NRBF2: variants seen among roughly 807,000 people sequenced by gnomAD.
NRBF2 encodes nuclear receptor binding factor 2, also known as nuclear receptor-binding factor 2.
In NRBF2, 12 loss-of-function variants were observed where a neutral mutation model predicts 28.5. That is an observed-to-expected ratio of 0.42 (90% CI 0.27 to 0.68). The LOEUF (loss-of-function observed/expected upper bound fraction) is 0.68, where lower values mean the gene tolerates loss of function less well. Among genes scored for constraint, NRBF2 ranks in the 30% least tolerant of loss-of-function variants. The probability of loss-of-function intolerance (pLI) is 0.24; values close to 1 mark genes in which losing one functional copy is unlikely to be tolerated. For synonymous variants in NRBF2, 102 were observed against 116.5 expected (o/e 0.88, Z 0.80); for missense variants, 274 against 333.5 (o/e 0.82, Z 1.39).
chr10:63,149,976 C>A (rs1186251293), intron 2 of NRBF2, among the ~76,000 whole-genome samples: 5 of 147,160 alleles, frequency 3.4e-5, no homozygotes, highest in Admixed American at 1.4e-4. Context: ...GAGTCTTGCT[C>A]TGTTACCCAG....
chr10:63,148,928 C>T (rs1287179695), intron 2 of NRBF2, among the ~76,000 whole-genome samples: 1 of 152,108 alleles, frequency 6.6e-6, no homozygotes, highest in East Asian at 1.9e-4. Context: ...GATGAGCAGG[C>T]CCCAGAGTAC....
At chr10:63,136,311 A>G (rs1323727532) in intron 1 of NRBF2, among the ~76,000 whole-genome samples, 1 of 151,874 alleles carries the variant, frequency 6.6e-6, no homozygotes, top group Non-Finnish European at 1.5e-5. Flanking sequence ...AAATTCTGAC[A>G]TTCTTTTATG....
Position 63,133,354 on chromosome 10 carries a change from T to C in NRBF2, c.-117T>C. 1.6e-6 allele frequency: 2 copies of C among 1,233,594 alleles called. No homozygotes were observed. The highest frequency in any genetic ancestry group is 1.2e-6 in the Non-Finnish European group (1 of 862,770). 76.4% of individuals were successfully genotyped at this position (1,233,594 alleles called of 1,614,324 possible). On this transcript the variant is annotated 5_prime_UTR_variant, in exon 1 of 4. Coordinates refer to ENST00000277746, the MANE Select transcript of NRBF2 (RefSeq NM_030759.5). The stretch of plus-strand genomic sequence containing the variant: ...CTCCTTCAGCGCCTATCGCTGGCTC[T>C]TGGGGCGCAGAGAGGGGCCGCAGTC...
chr10:63,152,171 A>C lies in NRBF2; in HGVS notation c.137A>C (p.Lys46Thr), dbSNP rs1430259235. Residue 46 changes from lysine to threonine, a missense_variant, in exon 3 of 4, where the codon AAG (lysine) becomes ACG (threonine). Coordinates refer to ENST00000277746, the MANE Select transcript of NRBF2 (RefSeq NM_030759.5). ...ACAGCATATCTTTCTGAAGCCATGA[A>C]GCTGACACAGTCAGAGCAGGTGAGA... ...KAAAYLSEAMKLTQSEQAHLS... is the reference protein window; with the variant it reads ...KAAAYLSEAMTLTQSEQAHLS... 4.3e-6 allele frequency: 7 copies of C among 1,613,798 alleles called. 1 individual carries two copies. The South Asian group carries it at 7.7e-5, about 18-fold the overall frequency.
Position 63,146,194 on chromosome 10 carries a change from A to T in NRBF2, c.31-15A>T. On this transcript the variant is annotated splice_polypyrimidine_tract_variant and intron_variant, in intron 1 of 3. Coordinates refer to ENST00000277746, the MANE Select transcript of NRBF2 (RefSeq NM_030759.5). ...TTTTATGATCCAGAGGAACTTAGGG[A>T]TGTTTGTCTTCTAGGCTCATCAACA... The T allele has an allele frequency of 1.2e-6, 2 of 1,602,740 alleles. No individual in the cohort carries two copies. Among genetic ancestry groups the T allele is most frequent in the Non-Finnish European group, 8.5e-7 (1 of 1,171,612 alleles).
rs1841692346 is a variant in NRBF2, at chr10:63,154,032, G to T, written c.678G>T (p.Glu226Asp). The T allele has an allele frequency of 6.2e-7, 1 of 1,612,550 alleles. No individual in the cohort carries two copies. Among genetic ancestry groups the T allele is most frequent in the Non-Finnish European group, 8.5e-7 (1 of 1,179,872 alleles). ...ATGCTGATTTTGTAGAAACGTCAGA[G>T]TTATGGAGCTTGCCACCACATGCAG... ...DVDADFVETS[E>D]LWSLPPHAET... Residue 226 changes from glutamate (E) to aspartate (D), a missense_variant, in exon 4 of 4, where the codon GAG (glutamate) becomes GAT (aspartate). Physicochemically the swap from Glu to Asp is conservative, Grantham distance 45. Coordinates refer to ENST00000277746, the MANE Select transcript of NRBF2 (RefSeq NM_030759.5).
Position 63,146,267 on chromosome 10 carries a change from C to T in NRBF2, c.89C>T (p.Ala30Val). 1 of 1,612,376 alleles carries T rather than the reference C, an allele frequency of 6.2e-7. No individual in the cohort carries two copies. The highest frequency in any genetic ancestry group is 8.5e-7 in the Non-Finnish European group (1 of 1,179,566). The change falls in exon 2 of 4, where the codon GCT becomes GTT. Residue 30 changes from alanine to valine, a missense_variant. Ala to Val is a moderately conservative substitution (Grantham distance 64). Transcript: ENST00000277746. The stretch of plus-strand genomic sequence containing the variant: ...TTAGCTGCAGGCAAATACGAAGAGG[C>T]TATTTCTTGTCACAAAAAGGCTGCA... ...RLLAAGKYEE[A>V]ISCHKKAAAY...
In NRBF2 at chr10:63,133,374, G is replaced by T; in HGVS notation, c.-97G>T. ...GGCTCTTGGGGCGCAGAGAGGGGCC[G>T]CAGTCTCCGCGGCTGCGTCGAGCTC... On this transcript the variant is annotated 5_prime_UTR_variant, in exon 1 of 4. Coordinates refer to ENST00000277746, the MANE Select transcript of NRBF2 (RefSeq NM_030759.5). 1 of 1,415,352 alleles carries T rather than the reference G, an allele frequency of 7.1e-7. No homozygotes were observed. 87.7% of individuals were successfully genotyped at this position (1,415,352 alleles called of 1,614,324 possible).
In NRBF2 at chr10:63,133,383, G is replaced by C. The variant is rs749585616; in HGVS notation, c.-88G>C. 4.0e-6 allele frequency: 6 copies of C among 1,518,398 alleles called. No individual in the cohort carries two copies. The South Asian group carries it at 6.9e-5, about 17-fold the overall frequency. The allele number at this position is 1,518,398 out of a possible 1,614,324, so 94.1% of individuals were successfully genotyped here. A position where few individuals can be genotyped will look rare whatever the true frequency, so the allele number is the denominator to read the frequency against. The stretch of plus-strand genomic sequence containing the variant: ...GGCGCAGAGAGGGGCCGCAGTCTCC[G>C]CGGCTGCGTCGAGCTCCCTTGCAGT... On this transcript the variant is annotated 5_prime_UTR_variant, in exon 1 of 4. Transcript: ENST00000277746.
chr10:63,151,237 G>A (rs1841644718), intron 2 of NRBF2, among the ~76,000 whole-genome samples: 1 of 152,212 alleles, frequency 6.6e-6, no homozygotes, highest in Non-Finnish European at 1.5e-5. Flanking sequence ...CTTAATGTAG[G>A]TATGAGAGAT....
At chr10:63,153,029 T>C (rs192002400) in intron 3 of NRBF2, among the ~76,000 whole-genome samples, 2,165 of 152,240 alleles carry the variant, frequency 0.014, 26 homozygotes, top group Middle Eastern at 0.024. Context: ...TTAAAAACTT[T>C]TTGTTATAAA....
At chr10:63,144,363 G>A (rs1227019000) in intron 1 of NRBF2, among the ~76,000 whole-genome samples, 1 of 150,304 alleles carries the variant, frequency 6.7e-6, no homozygotes, top group African/African-American at 2.4e-5. Context: ...ATTTTATTCA[G>A]TCTAATGTCC....
At chr10:63,137,406 C>G (rs142504274) in intron 1 of NRBF2, among the ~76,000 whole-genome samples, 2 of 152,286 alleles carry the variant, frequency 1.3e-5, no homozygotes, top group African/African-American at 4.8e-5. Context: ...ATTTCTAGTT[C>G]TTTGGTTTGT....
At chr10:63,149,041 G>A (rs1474762651) in intron 2 of NRBF2, among the ~76,000 whole-genome samples, 2 of 152,174 alleles carry the variant, frequency 1.3e-5, no homozygotes, top group African/African-American at 4.8e-5. Flanking sequence ...TTATTCAGAG[G>A]CAGTATATTG....
intron 1 of NRBF2, among the ~76,000 whole-genome samples, chr10:63,143,997 A>T (rs528983836): frequency 7.9e-5 from 12 of 152,128 alleles, no homozygotes; most frequent in Middle Eastern, 3.4e-3. Flanking sequence ...AGCTCGAGTG[A>T]TCTGCCTGCT....
intron 1 of NRBF2, among the ~76,000 whole-genome samples, chr10:63,137,334 C>CT (rs1178914617): frequency 1.9e-4 from 29 of 152,196 alleles, no homozygotes; most frequent in Non-Finnish European, 2.9e-4. Context: ...TTAGATATTT[C>CT]TTTCCGTACA....
chr10:63,152,431 C>A (rs1223500616), intron 3 of NRBF2, among the ~76,000 whole-genome samples: 1 of 152,190 alleles, frequency 6.6e-6, no homozygotes, highest in Admixed American at 6.5e-5. Context: ...TCTCAGATTG[C>A]CAGCCAGATG....
chr10:63,145,620 G>C (rs1841548737), intron 1 of NRBF2, among the ~76,000 whole-genome samples: 2 of 152,096 alleles, frequency 1.3e-5, no homozygotes, highest in Admixed American at 6.6e-5. Flanking sequence ...TTTTGACTTT[G>C]TTCTTTTGAT....
rs1157771983 is a variant in NRBF2 at position 63,153,497 on chromosome 10, C to T, written c.157-14C>T. On this transcript the variant is annotated splice_polypyrimidine_tract_variant and intron_variant, in intron 3 of 3. Transcript: ENST00000277746. ...AAATATTCTTCCAATTTTATCTTTCCTTCTATGTAATAGGCTCATCTTTCA... is the reference window on the plus strand; with the variant it reads ...AAATATTCTTCCAATTTTATCTTTCTTTCTATGTAATAGGCTCATCTTTCA... The T allele has an allele frequency of 1.9e-6, 3 of 1,562,918 alleles. No individual in the cohort carries two copies. The highest frequency in any genetic ancestry group is 2.7e-5 in the African/African-American group (2 of 72,838).
Sources: gnomAD v4.1 joint callset for allele counts (sites outside exome capture counted in the v4.1 genomes callset) on GRCh38, gnomAD v4.1.1 for gene constraint, MANE v1.5 for transcripts, NCBI Gene and HGNC (gene_info 2026-07-23, HGNC 2026-07-21) for gene names.